The following STK33 variants were observed in gnomAD, a reference collection of about 807,000 sequenced individuals.
STK33 encodes the protein serine/threonine kinase 33.
A neutral mutation model predicts 58.0 loss-of-function variants in STK33; 52 were observed. The observed-to-expected ratio is 0.90, with a 90% confidence interval of 0.72 to 1.13. The LOEUF is 1.13. Ranked by LOEUF, STK33 falls within the 50% of genes most tolerant of loss-of-function variation. The probability of loss-of-function intolerance (pLI) is 0.00; values close to 1 mark genes in which losing one functional copy is unlikely to be tolerated. For missense variants in STK33, 630 were observed against 604.2 expected (o/e 1.04, Z -0.45); for synonymous variants, 215 against 200.1 (o/e 1.07, Z -0.63).
downstream of STK33, among the ~76,000 whole-genome samples, chr11:8,389,795 G>A (rs931687121): frequency 3.3e-5 from 5 of 151,952 alleles, no homozygotes; most frequent in Admixed American, 2.0e-4. Context: ...CCCAACCCCC[G>A]CAGCACCACA....
the STK33 span, among the ~76,000 whole-genome samples, chr11:8,335,012 G>A: frequency 3.3e-5 from 5 of 152,348 alleles, no homozygotes; most frequent in African/African-American, 1.2e-4. Flanking sequence ...CTCTGACAGA[G>A]GGAACAGAGA....
At chr11:8,531,459 C>T (rs575476900) in intron 1 of STK33, among the ~76,000 whole-genome samples, 1 of 152,168 alleles carries the variant, frequency 6.6e-6, no homozygotes, top group Non-Finnish European at 1.5e-5. Flanking sequence ...CATGTGATTA[C>T]GTTGAGATGA....
At chr11:8,388,052 G>C (rs73402059), downstream of STK33, among the ~76,000 whole-genome samples, 4 of 152,160 alleles carry the variant, frequency 2.6e-5, no homozygotes, top group Non-Finnish European at 5.9e-5. Flanking sequence ...CCTGGACGGA[G>C]ACAGGGTCTG....
intron 1 of STK33, among the ~76,000 whole-genome samples, chr11:8,567,857 T>C (rs970107235): frequency 2.0e-5 from 3 of 152,220 alleles, no homozygotes; most frequent in Non-Finnish European, 4.4e-5. Context: ...AATGTAGCAC[T>C]TTTCTATAAT....
intron 1 of STK33, among the ~76,000 whole-genome samples, chr11:8,494,776 T>G (rs1950918177): frequency 6.6e-6 from 1 of 152,140 alleles, no homozygotes; most frequent in South Asian, 2.1e-4. Context: ...AACAGAGGCC[T>G]CAGAAATAAC....
rs573291310 is a variant in STK33, at chr11:8,494,759, G to A, written c.-465-14145C>T. ...TACCAAAACAGAGATATAGATCAAT[G>A]GAACAGAACAGAGGCCTCAGAAATA... is the stretch of plus-strand genomic sequence containing the variant. On this transcript the variant is annotated intron_variant, in intron 1 of 15. Transcript: ENST00000687296. Among the ~76,000 whole-genome samples, 3 of 152,252 alleles carry A rather than the reference G, an allele frequency of 2.0e-5. No homozygotes were observed. In the East Asian group the frequency reaches 5.8e-4, roughly 29 times the overall value.
intron 1 of STK33, among the ~76,000 whole-genome samples, chr11:8,504,242 G>A (rs1158241666): frequency 6.6e-6 from 1 of 152,182 alleles, no homozygotes; most frequent in Non-Finnish European, 1.5e-5. Flanking sequence ...CCACTCCCAT[G>A]AAACTGACAG....
chr11:8,437,787 T>C (rs1178892406), intron 12 of STK33, among the ~76,000 whole-genome samples: 2 of 152,206 alleles, frequency 1.3e-5, no homozygotes, highest in Non-Finnish European at 2.9e-5. Flanking sequence ...TTTATCAAAC[T>C]AGACCAGACA....
chr11:8,526,883 T>TA lies in STK33; in HGVS notation c.-465-46270dup, dbSNP rs71059168. On this transcript the variant is annotated intron_variant, in intron 1 of 15. Coordinates refer to ENST00000687296, the MANE Select transcript of STK33 (RefSeq NM_001352389.2). The stretch of plus-strand genomic sequence containing the variant: ...ATACTGTAAGATTCTGTTTATATGT[T>TA]AAAAAAAAAAGGTAAAACTAGAGAC... Among the ~76,000 whole-genome samples, 691 of 141,402 alleles carry TA rather than the reference T, an allele frequency of 4.9e-3. 9 individuals carry two copies. The highest frequency in any genetic ancestry group is 0.015 in the African/African-American group (568 of 38,762). 92.8% of individuals were successfully genotyped at this position (141,402 alleles called of 152,430 possible).
At chr11:8,398,364 T>C (rs975021110) in intron 15 of STK33, among the ~76,000 whole-genome samples, 15 of 152,040 alleles carry the variant, frequency 9.9e-5, no homozygotes, top group African/African-American at 3.1e-4. Flanking sequence ...CCAAACTAAG[T>C]TTCATAAGTG....
chr11:8,520,488 G>A (rs1430974246), intron 1 of STK33, among the ~76,000 whole-genome samples: 2 of 152,088 alleles, frequency 1.3e-5, no homozygotes, highest in South Asian at 2.1e-4. Context: ...TGGAAGTTCT[G>A]GCCAGGGCAA....
chr11:8,481,571 G>A (rs985553813), intron 1 of STK33, among the ~76,000 whole-genome samples: 2 of 152,204 alleles, frequency 1.3e-5, no homozygotes, highest in African/African-American at 4.8e-5. Context: ...GAATGTATCT[G>A]TGGAGTCTCC....
intron 8 of STK33, among the ~76,000 whole-genome samples, chr11:8,460,578 G>A (rs1306646374): frequency 6.6e-6 from 1 of 151,942 alleles, no homozygotes; most frequent in Non-Finnish European, 1.5e-5. Flanking sequence ...CTAACTTGGA[G>A]ACCACAAAGT....
chr11:8,408,253 T>A (rs1050697762), intron 15 of STK33, among the ~76,000 whole-genome samples: 2 of 152,186 alleles, frequency 1.3e-5, no homozygotes, highest in Admixed American at 6.5e-5. Context: ...GCAATACTTG[T>A]TATAACCCAA....
intron 1 of STK33, among the ~76,000 whole-genome samples, chr11:8,544,174 C>T (rs1161223195): frequency 6.6e-6 from 1 of 151,684 alleles, no homozygotes; most frequent in Non-Finnish European, 1.5e-5. Context: ...CCCCATCCCC[C>T]GACAGGCACG....
chr11:8,560,311 T>C (rs1299252752), intron 1 of STK33, among the ~76,000 whole-genome samples: 2 of 152,142 alleles, frequency 1.3e-5, no homozygotes, highest in African/African-American at 2.4e-5. Context: ...AAATGAAAAA[T>C]AGCATCTTAT....
At chr11:8,400,906 T>G (rs997316110) in intron 15 of STK33, among the ~76,000 whole-genome samples, 3 of 152,130 alleles carry the variant, frequency 2.0e-5, no homozygotes, top group African/African-American at 7.2e-5. Context: ...GAATCCAACT[T>G]ACAAGGGATG....
intron 1 of STK33, among the ~76,000 whole-genome samples, chr11:8,512,829 C>T (rs985835648): frequency 2.0e-5 from 3 of 152,120 alleles, no homozygotes; most frequent in Admixed American, 6.6e-5. Context: ...CCTTGGCCTT[C>T]CTCAGGTACA....
chr11:8,388,064 A>C (rs1292387102), downstream of STK33, among the ~76,000 whole-genome samples: 1 of 152,220 alleles, frequency 6.6e-6, no homozygotes, highest in Non-Finnish European at 1.5e-5. Context: ...CAGGGTCTGC[A>C]CGGCGTCTCT....
Sources: allele counts gnomAD v4.1 joint callset (sites outside exome capture counted in the v4.1 genomes callset), GRCh38; gene constraint gnomAD v4.1.1; transcripts MANE v1.5; gene names NCBI Gene and HGNC (gene_info 2026-07-23, HGNC 2026-07-21).